The following ADAMTS2 variants were observed in gnomAD, a reference collection of about 807,000 sequenced individuals.
ADAMTS2 encodes the protein A disintegrin and metalloproteinase with thrombospondin motifs 2.
In ADAMTS2, 50 loss-of-function variants were observed where a neutral mutation model predicts 123.0. That is an observed-to-expected ratio of 0.41 (90% confidence interval 0.32 to 0.51). The LOEUF is 0.51. ADAMTS2 is among the 20% of genes least tolerant of loss of function. ADAMTS2 has a pLI of 0.35. For synonymous variants in ADAMTS2, 678 were observed against 695.4 expected (o/e 0.98, Z 0.39); for missense variants, 1,494 against 1,705.2 (o/e 0.88, Z 2.18).
intron 2 of ADAMTS2, among the ~76,000 whole-genome samples, chr5:179,304,817 T>G (rs1756626827): frequency 1.3e-5 from 2 of 152,324 alleles, no homozygotes; most frequent in South Asian, 2.1e-4. Context: ...TCTCAAATTC[T>G]GTGAAATGCA....
intron 3 of ADAMTS2, among the ~76,000 whole-genome samples, chr5:179,224,639 T>G (rs917833636): frequency 2.0e-5 from 3 of 152,230 alleles, no homozygotes; most frequent in African/African-American, 7.2e-5. Context: ...AGGTGGCCAG[T>G]GGTGACTAGG....
At chr5:179,171,757 C>A (rs1170424078) in intron 5 of ADAMTS2, among the ~76,000 whole-genome samples, 1 of 152,152 alleles carries the variant, frequency 6.6e-6, no homozygotes, top group Non-Finnish European at 1.5e-5. Context: ...CCACTCTGGG[C>A]AGGCATGAGT....
chr5:179,299,331 C>A (rs1266885217), intron 2 of ADAMTS2, among the ~76,000 whole-genome samples: 1 of 70,758 alleles, frequency 1.4e-5, no homozygotes, highest in Non-Finnish European at 2.9e-5. Context: ...AGATGGAGAC[C>A]ATCCTGGCTA....
intron 3 of ADAMTS2, among the ~76,000 whole-genome samples, chr5:179,217,348 A>G (rs1462844896): frequency 2.0e-5 from 3 of 152,254 alleles, no homozygotes; most frequent in African/African-American, 7.2e-5. Context: ...AAAAATGTAC[A>G]CTAAGGAAAG....
At chr5:179,243,557 C>A (rs1183038140) in intron 3 of ADAMTS2, among the ~76,000 whole-genome samples, 1 of 152,194 alleles carries the variant, frequency 6.6e-6, no homozygotes, top group Non-Finnish European at 1.5e-5. Context: ...CAAACAACTG[C>A]AAACAGCCTC....
chr5:179,131,658 G>T (rs112039135), intron 15 of ADAMTS2, among the ~76,000 whole-genome samples: 3 of 152,138 alleles, frequency 2.0e-5, no homozygotes, highest in Admixed American at 6.5e-5. Context: ...CTCCCGCGTG[G>T]CCTGGGAGGG....
chr5:179,327,261 A>C (rs1757342418), intron 2 of ADAMTS2, among the ~76,000 whole-genome samples: 1 of 152,136 alleles, frequency 6.6e-6, no homozygotes, highest in Non-Finnish European at 1.5e-5. Context: ...GAAGTGCAGA[A>C]AATTATCTCA....
chr5:179,316,158 G>C (rs755929078), intron 2 of ADAMTS2, among the ~76,000 whole-genome samples: 2 of 152,202 alleles, frequency 1.3e-5, no homozygotes, highest in Non-Finnish European at 2.9e-5. Context: ...CCAAGTCCCA[G>C]ACTGGGGCGT....
rs1755994932 is a variant in ADAMTS2, at chr5:179,285,506, C to A, written c.535-12442G>T. 6.6e-6 allele frequency among the ~76,000 whole-genome samples: 1 copy of A among 152,198 alleles called. No individual in the cohort carries two copies. Among genetic ancestry groups the A allele is most frequent in the Admixed American group, 6.5e-5 (1 of 15,286 alleles). The stretch of plus-strand genomic sequence containing the variant: ...CCCATCTCCATGGCTCCTGCACACA[C>A]CAATGCCGGGGTAGCCTCCAGGAAA... On this transcript the variant is annotated intron_variant, in intron 2 of 21. Transcript: ENST00000251582. The surrounding 1 kb of genome is among the most constrained non-coding windows in gnomAD (Gnocchi z 4.9).
At chr5:179,298,572 T>C (rs1161523651) in intron 2 of ADAMTS2, among the ~76,000 whole-genome samples, 1 of 152,196 alleles carries the variant, frequency 6.6e-6, no homozygotes, top group Non-Finnish European at 1.5e-5. Context: ...TATTTTGTTA[T>C]GGCAGCCTGA....
rs1403049105 is a variant in ADAMTS2 at position 179,292,537 on chromosome 5, G to A, written c.535-19473C>T. Among the ~76,000 whole-genome samples, 3 of 151,884 alleles carry A rather than the reference G, an allele frequency of 2.0e-5. No homozygotes were observed. The East Asian group carries it at 5.8e-4, about 29-fold the overall frequency. On this transcript the variant is annotated intron_variant, in intron 2 of 21. Transcript: ENST00000251582. ...ATACATCTTGCTATTCCCCATGTGG[G>A]CTCATGAATCTTGTTATAAATTTTT... is the stretch of plus-strand genomic sequence containing the variant.
Position 179,345,395 on chromosome 5 carries a change from G to C in ADAMTS2, c.-67C>G. ...GCGAAAGTTCCCCGCGAGCCGCCCA[G>C]CCCACATCTGGGGGCAGCTGGAGCC... On this transcript the variant is annotated 5_prime_UTR_variant, in exon 1 of 22. Transcript: ENST00000251582. This position sits in a 1 kb window ranked among gnomAD's most constrained non-coding sequence, Gnocchi z 7.5. 1 of 1,087,044 alleles carries C rather than the reference G, an allele frequency of 9.2e-7. No individual in the cohort carries two copies. Among genetic ancestry groups the C allele is most frequent in the Non-Finnish European group, 1.1e-6 (1 of 895,482 alleles). 67.3% of individuals were successfully genotyped at this position (1,087,044 alleles called of 1,614,324 possible).
rs756807336 is a variant in ADAMTS2 at position 179,272,938 on chromosome 5, G to C, written c.661C>G (p.Leu221Val). ...VYRRPPTSPP[L>V]GGPQALDTGA... ...GTGTCCAGGGCCTGTGGCCCCCCGA[G>C]AGGAGGGGACGTGGGTGGCCGGCGA... Residue 221 changes from leucine to valine, a missense_variant, in exon 3 of 22, where the codon CTC becomes GTC. This residue lies in a region of ADAMTS2 where 184 missense variants were observed against 152.1 expected (regional missense o/e 1.21). Transcript: ENST00000251582. This position sits in a 1 kb window ranked among gnomAD's most constrained non-coding sequence, Gnocchi z 5.8. 2.0e-5 allele frequency: 32 copies of C among 1,611,236 alleles called. No individual in the cohort carries two copies. Among genetic ancestry groups the C allele is most frequent in the Non-Finnish European group, 1.7e-6 (2 of 1,179,996 alleles).
chr5:179,148,032 G>A (rs1157464014), intron 10 of ADAMTS2, among the ~76,000 whole-genome samples: 4 of 152,134 alleles, frequency 2.6e-5, no homozygotes, highest in East Asian at 1.9e-4. Flanking sequence ...ATGGTAAATC[G>A]ACTTCTGCTT....
intron 15 of ADAMTS2, among the ~76,000 whole-genome samples, chr5:179,131,754 C>A (rs945365252): frequency 1.3e-5 from 2 of 152,150 alleles, no homozygotes; most frequent in African/African-American, 4.8e-5. Context: ...ACCAGGATCC[C>A]TATTTTAGCT....
chr5:179,250,887 G>A (rs999847053), intron 3 of ADAMTS2, among the ~76,000 whole-genome samples: 7 of 152,214 alleles, frequency 4.6e-5, no homozygotes, highest in Admixed American at 2.6e-4. Context: ...CAGGCATCAC[G>A]CATCCTGCCC....
Position 179,129,910 on chromosome 5 carries a change from G to A in ADAMTS2, c.2457+22C>T. The A allele has an allele frequency of 1.9e-6, 3 of 1,613,406 alleles. No individual in the cohort carries two copies. Among genetic ancestry groups the A allele is most frequent in the Non-Finnish European group, 2.5e-6 (3 of 1,179,978 alleles). On this transcript the variant is annotated intron_variant, in intron 16 of 21. Transcript: ENST00000251582. This position sits in a 1 kb window ranked among gnomAD's most constrained non-coding sequence, Gnocchi z 4.1. ...AGTGGCCACCCGCACCCTTCCCTGG[G>A]CCCAGCCCTGCTTGGACTCACCAGA... is the stretch of plus-strand genomic sequence containing the variant.
At position 179,272,820 on chromosome 5, in the gene ADAMTS2, T is replaced by C. The variant is rs1766575884; in HGVS notation, c.688+91A>G. Reference sequence around the variant, plus strand: ...CAGCCTCAGCAGCCAAGCTGGTCTGTGGAGAGCTGCCTGAGTCTCTGGGAT... The same window carrying C: ...CAGCCTCAGCAGCCAAGCTGGTCTGCGGAGAGCTGCCTGAGTCTCTGGGAT... On this transcript the variant is annotated intron_variant, in intron 3 of 21. Coordinates refer to ENST00000251582, the MANE Select transcript of ADAMTS2 (RefSeq NM_014244.5). This position sits in a 1 kb window ranked among gnomAD's most constrained non-coding sequence, Gnocchi z 5.8. 1 of 1,506,138 alleles carries C rather than the reference T, an allele frequency of 6.6e-7. No homozygotes were observed. Among genetic ancestry groups the C allele is most frequent in the East Asian group, 2.3e-5 (1 of 44,112 alleles). The allele number at this position is 1,506,138 out of a possible 1,614,324, so 93.3% of individuals were successfully genotyped here. A position where few individuals can be genotyped will look rare whatever the true frequency, so the allele number is the denominator to read the frequency against.
At chr5:179,207,278 G>A (rs1764719665) in intron 4 of ADAMTS2, among the ~76,000 whole-genome samples, 1 of 152,174 alleles carries the variant, frequency 6.6e-6, no homozygotes, top group South Asian at 2.1e-4. Flanking sequence ...CCTGTGAAGA[G>A]CCTCACCAAG....
Sources: allele counts gnomAD v4.1 joint callset (sites outside exome capture counted in the v4.1 genomes callset), GRCh38; gene constraint gnomAD v4.1.1; regional missense constraint gnomAD v4.1.1; non-coding constraint Gnocchi (gnomAD v3.1); transcripts MANE v1.5; gene names NCBI Gene and HGNC (gene_info 2026-07-23, HGNC 2026-07-21).